FLT4: variants seen among roughly 807,000 people sequenced by gnomAD.
The protein encoded by FLT4 is vascular endothelial growth factor receptor 3.
In FLT4, 30 loss-of-function variants were observed where a neutral mutation model predicts 163.2. The observed-to-expected ratio is 0.18, with a 90% CI of 0.14 to 0.25. FLT4 has a LOEUF of 0.25. Among genes scored for constraint, FLT4 ranks in the 10% least tolerant of loss-of-function variants. The probability of loss-of-function intolerance (pLI) is 1.00; values close to 1 mark genes in which losing one functional copy is unlikely to be tolerated. For synonymous variants in FLT4, 884 were observed against 789.5 expected (o/e 1.12, Z -2.01); for missense variants, 1,510 against 1,863.8 (o/e 0.81, Z 3.50).
rs376509549 is a variant in FLT4 at position 180,603,870 on chromosome 5, C to CTCCA, written c.3894-484_3894-481dup. On this transcript the variant is annotated intron_variant, in intron 29 of 29. Transcript: ENST00000261937. ...AGTGAGCTGAGATCGCACCACTGCA[C>CTCCA]TCCAGCCTGGGCGACAGAGTGAGAC... Among the ~76,000 whole-genome samples, 756 of 151,142 alleles carry CTCCA rather than the reference C, an allele frequency of 5.0e-3. 6 individuals carry two copies. The highest frequency in any genetic ancestry group is 0.018 in the African/African-American group (722 of 40,876).
rs1057414568 is a variant in FLT4, at chr5:180,630,884, A to G, written c.156-85T>C. On this transcript the variant is annotated intron_variant, in intron 2 of 29. Transcript: ENST00000261937. This position sits in a 1 kb window ranked among gnomAD's most constrained non-coding sequence, Gnocchi z 6.3. The stretch of plus-strand genomic sequence containing the variant: ...AGAAGCCTCCCTCAGGCCGAGCCTC[A>G]CCAGGTTTGTCTTACCCAGAGCATG... 1.4e-6 allele frequency: 2 copies of G among 1,464,616 alleles called. No individual in the cohort carries two copies. Among genetic ancestry groups the G allele is most frequent in the African/African-American group, 1.4e-5 (1 of 71,354 alleles). The allele number at this position is 1,464,616 out of a possible 1,614,324, so 90.7% of individuals were successfully genotyped here.
chr5:180,620,144 T>C lies in FLT4; in HGVS notation c.2542+29A>G, dbSNP rs1037720100. 1.3e-6 allele frequency: 2 copies of C among 1,595,600 alleles called. No individual in the cohort carries two copies. Among genetic ancestry groups the C allele is most frequent in the Non-Finnish European group, 8.5e-7 (1 of 1,174,412 alleles). Reference sequence around the variant, plus strand: ...CAGCAGGTGGGTCGGGCAGGAGGTGTGGGTTGGGCAGGCTGGTGCTGGCCT... The same window carrying C: ...CAGCAGGTGGGTCGGGCAGGAGGTGCGGGTTGGGCAGGCTGGTGCTGGCCT... On this transcript the variant is annotated intron_variant, in intron 17 of 29. Coordinates refer to ENST00000261937, the MANE Select transcript of FLT4 (RefSeq NM_182925.5). This position sits in a 1 kb window ranked among gnomAD's most constrained non-coding sequence, Gnocchi z 4.4.
At position 180,613,081 on chromosome 5, in the gene FLT4, T is replaced by C; in HGVS notation, c.3361A>G (p.Asn1121Asp). The C allele has an allele frequency of 6.2e-7, 1 of 1,613,602 alleles. No individual in the cohort carries two copies. The highest frequency in any genetic ancestry group is 8.5e-7 in the Non-Finnish European group (1 of 1,179,766). Residue 1121 changes from asparagine to aspartate, a missense_variant, in exon 25 of 30, where the codon AAT (asparagine) becomes GAT (aspartate). Physicochemically the swap from Asn to Asp is conservative, Grantham distance 23. This residue lies in a region of FLT4 where 17 missense variants were observed against 76.2 expected (regional missense o/e 0.22). Coordinates refer to ENST00000261937, the MANE Select transcript of FLT4 (RefSeq NM_182925.5). ...CTCAGCCGCTGGCAGAACTCCTCAT[T>C]GATCTGCACCCCAGGGTACGGGGAG... ...GASPYPGVQI[N>D]EEFCQRLRDG...
chr5:180,640,621 GT>G (rs1022965411), intron 1 of FLT4, among the ~76,000 whole-genome samples: 2 of 152,238 alleles, frequency 1.3e-5, no homozygotes, highest in South Asian at 2.1e-4. Flanking sequence ...TAATGATGCC[GT>G]TTTTTTCAAA....
Position 180,630,460 on chromosome 5 carries a change from TCTC to T in FLT4, c.400+92_400+94del. On this transcript the variant is annotated intron_variant, in intron 3 of 29. Transcript: ENST00000261937. This position sits in a 1 kb window ranked among gnomAD's most constrained non-coding sequence, Gnocchi z 6.3. The stretch of plus-strand genomic sequence containing the variant: ...CGCTGGAGCAGGTAGGGCCCCGTTC[TCTC>T]CTCCTGCCAGCCCAGGGTCCACAGG... 4 of 1,586,348 alleles carry T rather than the reference TCTC, an allele frequency of 2.5e-6. No homozygotes were observed. Among genetic ancestry groups the T allele is most frequent in the Middle Eastern group, 1.7e-4 (1 of 5,920 alleles).
chr5:180,621,974 G>A, intron 12 of FLT4, 70 bp from the exon 13 acceptor site: 11 of 1,568,000 alleles, frequency 7.0e-6, no homozygotes, highest in Non-Finnish European at 9.5e-6. Context: ...TGCCGCCCCG[G>A]GGTCTCCTCC....
rs1030229135 is a variant in FLT4, at chr5:180,616,871, C to T, written c.3096+29G>A. 1.6e-5 allele frequency: 25 copies of T among 1,575,830 alleles called. No homozygotes were observed. In the East Asian group the frequency reaches 1.8e-4, roughly 11 times the overall value. On this transcript the variant is annotated intron_variant, in intron 22 of 29. Coordinates refer to ENST00000261937, the MANE Select transcript of FLT4 (RefSeq NM_182925.5). The stretch of plus-strand genomic sequence containing the variant: ...GACTGGTGGGGATGCACCCTTTTCC[C>T]GTCTGAAGGGCCTTCGGGGGAAGCT...
intron 28 of FLT4, chr5:180,609,406 T>C (rs1762004944): frequency 2.3e-6 from 1 of 434,112 alleles, no homozygotes; most frequent in Admixed American, 3.6e-5. Context: ...AAACGATCCA[T>C]GTGAGGCTGC....
rs760208033 is a variant in FLT4, at chr5:180,619,530, C to G, written c.2647+135G>C. ...GGTGGTCCCTCGGCTCTGAAGCCCG[C>G]AGCCTCCCTGTAGAATCTCGGATGA... On this transcript the variant is annotated intron_variant, in intron 18 of 29. Transcript: ENST00000261937. 4.1e-6 allele frequency: 4 copies of G among 985,622 alleles called. No individual in the cohort carries two copies. The Admixed American group carries it at 6.8e-5, about 17-fold the overall frequency. 61.1% of individuals were successfully genotyped at this position (985,622 alleles called of 1,614,324 possible). A position where few individuals can be genotyped will look rare whatever the true frequency, so the allele number is the denominator to read the frequency against.
Position 180,619,004 on chromosome 5 carries a change from G to A in FLT4, c.2850+17C>T, listed in dbSNP as rs764603560. 4.5e-6 allele frequency: 7 copies of A among 1,547,028 alleles called. No individual in the cohort carries two copies. In the Admixed American group the frequency reaches 8.0e-5, roughly 18 times the overall value. Reference sequence around the variant, plus strand: ...ATTCCCCCGCCGCCCGCGGCGCCCCGCAGGCCGCCCGCTCACCGCGCAGGG... The same window carrying A: ...ATTCCCCCGCCGCCCGCGGCGCCCCACAGGCCGCCCGCTCACCGCGCAGGG... On this transcript the variant is annotated intron_variant, in intron 20 of 29. Coordinates refer to ENST00000261937, the MANE Select transcript of FLT4 (RefSeq NM_182925.5).
chr5:180,621,527 C>A lies in FLT4; in HGVS notation c.2020+15G>T, dbSNP rs748823437. On this transcript the variant is annotated intron_variant, in intron 13 of 29. Coordinates refer to ENST00000261937, the MANE Select transcript of FLT4 (RefSeq NM_182925.5). The stretch of plus-strand genomic sequence containing the variant: ...GAAGAGAGCGCGTCCCCGCCCTCCC[C>A]GCGGCCAGCCTCACCCTGCACCGAC... The A allele has an allele frequency of 1.9e-6, 3 of 1,610,782 alleles. No individual in the cohort carries two copies. The Admixed American group carries it at 5.0e-5, about 27-fold the overall frequency.
Position 180,602,160 on chromosome 5 carries a change from C to G in FLT4, c.*1032G>C, listed in dbSNP as rs1022884873. The G allele has an allele frequency of 8.5e-6, 2 of 234,310 alleles. No individual in the cohort carries two copies. Among genetic ancestry groups the G allele is most frequent in the Admixed American group, 5.6e-5 (1 of 17,814 alleles). 14.5% of individuals were successfully genotyped at this position (234,310 alleles called of 1,614,324 possible). Reference sequence around the variant, plus strand: ...AATGTCCACTGAGTGCTGGGTGGCACAGGGCAATGCTGGGTGGTCCTTTGT... The same window carrying G: ...AATGTCCACTGAGTGCTGGGTGGCAGAGGGCAATGCTGGGTGGTCCTTTGT... On this transcript the variant is annotated 3_prime_UTR_variant, in exon 30 of 30. Transcript: ENST00000261937.
At chr5:180,606,861 G>A (rs1761813445) in intron 29 of FLT4, among the ~76,000 whole-genome samples, 1 of 148,330 alleles carries the variant, frequency 6.7e-6, no homozygotes, top group Non-Finnish European at 1.5e-5. Flanking sequence ...TTCAAGACCA[G>A]CCTGGCCAAC....
rs571416810 is a variant in FLT4 at position 180,622,638 on chromosome 5, G to A, written c.1657+93C>T. The stretch of plus-strand genomic sequence containing the variant: ...CCGGTAGGCCTTGGATCTCTCTCCT[G>A]GGTGTCCCAAAGACCCCAGAAACTC... On this transcript the variant is annotated intron_variant, in intron 12 of 29. Transcript: ENST00000261937. 15 of 772,214 alleles carry A rather than the reference G, an allele frequency of 1.9e-5. 1 individual carries two copies. The South Asian group carries it at 2.0e-4, about 10-fold the overall frequency. The allele number at this position is 772,214 out of a possible 1,614,324, so 47.8% of individuals were successfully genotyped here.
chr5:180,649,561 G>T lies in FLT4; in HGVS notation c.-16C>A. ...CCCGCTGCATCTCCGGCCGCTGCGC[G>T]TGGGTCCGACCCGAGCGGCCGCGGC... is the stretch of plus-strand genomic sequence containing the variant. On this transcript the variant is annotated 5_prime_UTR_variant, in exon 1 of 30. Coordinates refer to ENST00000261937, the MANE Select transcript of FLT4 (RefSeq NM_182925.5). 1 of 1,423,620 alleles carries T rather than the reference G, an allele frequency of 7.0e-7. No homozygotes were observed. The highest frequency in any genetic ancestry group is 9.2e-7 in the Non-Finnish European group (1 of 1,086,298). The allele number at this position is 1,423,620 out of a possible 1,614,324, so 88.2% of individuals were successfully genotyped here. A position where few individuals can be genotyped will look rare whatever the true frequency, so the allele number is the denominator to read the frequency against.
intron 1 of FLT4, among the ~76,000 whole-genome samples, chr5:180,641,767 T>G (rs13359400): frequency 6.6e-6 from 1 of 152,206 alleles, no homozygotes; most frequent in Admixed American, 6.5e-5. Context: ...TGAGCCCGCA[T>G]GCCCGGCTGG....
chr5:180,615,249 A>G (rs71598630), intron 23 of FLT4, among the ~76,000 whole-genome samples: 1 of 47,856 alleles, frequency 2.1e-5, no homozygotes, highest in Non-Finnish European at 4.4e-5. Flanking sequence ...CCGCTGGTCA[A>G]CTCCCATCTC....
chr5:180,640,208 G>A (rs533664479), intron 1 of FLT4, among the ~76,000 whole-genome samples: 3 of 152,148 alleles, frequency 2.0e-5, no homozygotes, highest in African/African-American at 7.2e-5. Flanking sequence ...CGAGCGAGGT[G>A]GGGGGCAGCC....
intron 8 of FLT4, 147 bp downstream of exon 8, chr5:180,628,735 G>T: frequency 1.5e-6 from 1 of 652,890 alleles, no homozygotes; most frequent in Admixed American, 2.5e-5. Context: ...GGTTCCTTGG[G>T]GGGTCTCCTG....
Sources: gnomAD v4.1 joint callset for allele counts (sites outside exome capture counted in the v4.1 genomes callset) on GRCh38, gnomAD v4.1.1 for gene constraint, gnomAD v4.1.1 regional missense constraint, Gnocchi (gnomAD v3.1) non-coding constraint, MANE v1.5 for transcripts, NCBI Gene and HGNC (gene_info 2026-07-23, HGNC 2026-07-21) for gene names.